PCBD2: variants seen among roughly 807,000 people sequenced by gnomAD.
PCBD2 encodes the protein pterin-4 alpha-carbinolamine dehydratase 2.
A neutral mutation model predicts 16.4 loss-of-function variants in PCBD2; 12 were observed. The observed-to-expected ratio is 0.73, with a 90% CI of 0.47 to 1.19. The LOEUF (loss-of-function observed/expected upper bound fraction) is 1.19. Among genes scored for constraint, PCBD2 ranks in the 50% most tolerant of loss-of-function variants. PCBD2 has a pLI of 0.00. For missense variants in PCBD2, 138 were observed against 156.8 expected, an observed-to-expected ratio of 0.88 and a Z score of 0.64; for synonymous variants, 58 against 61.8, an observed-to-expected ratio of 0.94 and a Z score of 0.29.
intron 2 of PCBD2, among the ~76,000 whole-genome samples, chr5:134,952,627 G>A (rs1377863539): frequency 2.0e-5 from 3 of 151,936 alleles, no homozygotes; most frequent in Non-Finnish European, 4.4e-5. Context: ...AACATAACAA[G>A]ACCCCATTTC....
At chr5:134,911,912 G>T (rs1016495881) in intron 2 of PCBD2, among the ~76,000 whole-genome samples, 2 of 152,190 alleles carry the variant, frequency 1.3e-5, no homozygotes, top group Admixed American at 6.5e-5. Flanking sequence ...ATAAGCTCTA[G>T]GTAGCATTTT....
chr5:134,915,177 T>C (rs1750813801), intron 2 of PCBD2, among the ~76,000 whole-genome samples: 1 of 151,610 alleles, frequency 6.6e-6, no homozygotes, highest in Non-Finnish European at 1.5e-5. Context: ...TAACCAGGCG[T>C]GGTGGCGTGC....
At chr5:134,935,205 G>A (rs1751144759) in intron 2 of PCBD2, among the ~76,000 whole-genome samples, 1 of 152,154 alleles carries the variant, frequency 6.6e-6, no homozygotes, top group Non-Finnish European at 1.5e-5. Context: ...AATCTGATTG[G>A]GTTGTTGTAA....
chr5:134,906,359 A>C (rs1256664012), intron 1 of PCBD2, among the ~76,000 whole-genome samples: 2 of 151,488 alleles, frequency 1.3e-5, no homozygotes, highest in Non-Finnish European at 2.9e-5. Context: ...GCCCGTCGCC[A>C]CGCCCGGCTA....
At position 134,927,766 on chromosome 5, in the gene PCBD2, G is replaced by A. The variant is rs533936203; in HGVS notation, c.216+17300G>A. On this transcript the variant is annotated intron_variant, in intron 2 of 3. Transcript: ENST00000254908. ...AGTATAGAGAGGTAGAGTTTTTTTC[G>A]TGATAGTGGTTCATTGGATAAGTGG... 2.2e-3 allele frequency: 874 copies of A among 397,462 alleles called. 8 individuals carry two copies. Among genetic ancestry groups the A allele is most frequent in the African/African-American group, 0.016 (765 of 48,448 alleles). 24.6% of individuals were successfully genotyped at this position (397,462 alleles called of 1,614,324 possible).
At chr5:134,944,746 C>T (rs1263394044) in intron 2 of PCBD2, among the ~76,000 whole-genome samples, 2 of 152,186 alleles carry the variant, frequency 1.3e-5, no homozygotes. Flanking sequence ...AAGACCGGCT[C>T]AGCCTCCCAC....
chr5:134,913,323 C>G (rs1580877630), intron 2 of PCBD2, among the ~76,000 whole-genome samples: 1 of 152,226 alleles, frequency 6.6e-6, no homozygotes, highest in East Asian at 1.9e-4. Flanking sequence ...GTAGAGTGGT[C>G]TGGAAAGTCC....
At chr5:134,947,070 A>C (rs1045682229) in intron 2 of PCBD2, among the ~76,000 whole-genome samples, 8 of 151,870 alleles carry the variant, frequency 5.3e-5, no homozygotes, top group African/African-American at 1.7e-4. Context: ...GTAGACTGTC[A>C]TTTTGCATGC....
chr5:134,916,906 A>G (rs1330687063), intron 2 of PCBD2, among the ~76,000 whole-genome samples: 1 of 152,124 alleles, frequency 6.6e-6, no homozygotes, highest in East Asian at 1.9e-4. Flanking sequence ...CAGTGGTGGG[A>G]CTCGAGGCAG....
intron 2 of PCBD2, among the ~76,000 whole-genome samples, chr5:134,922,115 G>T (rs1199878435): frequency 1.3e-5 from 2 of 152,164 alleles, no homozygotes; most frequent in African/African-American, 4.8e-5. Context: ...GCTCAGACAG[G>T]GTGAGTACCT....
chr5:134,914,183 A>T lies in PCBD2; in HGVS notation c.216+3717A>T, dbSNP rs138164705. 3.3e-5 allele frequency among the ~76,000 whole-genome samples: 5 copies of T among 152,230 alleles called. No individual in the cohort carries two copies. In the East Asian group the frequency reaches 9.7e-4, roughly 29 times the overall value. ...CGATGATATGTCCATTGTGGTTTAG[A>T]TGCCAATAGGCCGTTACATTCATCC... On this transcript the variant is annotated intron_variant, in intron 2 of 3. Transcript: ENST00000254908.
intron 2 of PCBD2, among the ~76,000 whole-genome samples, chr5:134,914,611 A>G (rs1750805465): frequency 6.6e-6 from 1 of 152,050 alleles, no homozygotes; most frequent in African/African-American, 2.4e-5. Context: ...TCGGCAGGGT[A>G]GGGAAGTACA....
intron 2 of PCBD2, chr5:134,923,563 A>G (rs1750934465): frequency 3.1e-6 from 1 of 322,934 alleles, no homozygotes; most frequent in Non-Finnish European, 5.6e-6. Flanking sequence ...CCTCAGATTC[A>G]TTGGACCAGA....
intron 1 of PCBD2, among the ~76,000 whole-genome samples, chr5:134,906,933 G>A (rs991781043): frequency 6.6e-6 from 1 of 152,226 alleles, no homozygotes; most frequent in African/African-American, 2.4e-5. Context: ...TGCTGTGAAT[G>A]TGCCCTCATG....
intron 2 of PCBD2, among the ~76,000 whole-genome samples, chr5:134,954,114 T>C (rs7731926): frequency 6.6e-6 from 1 of 152,072 alleles, no homozygotes; most frequent in Non-Finnish European, 1.5e-5. Context: ...CATGCCACCA[T>C]GCCCAGCTAA....
intron 2 of PCBD2, among the ~76,000 whole-genome samples, chr5:134,918,513 T>C (rs1750861523): frequency 1.3e-5 from 2 of 151,972 alleles, no homozygotes; most frequent in Admixed American, 6.6e-5. Context: ...AAAAATAAAA[T>C]AAAATAAAAA....
intron 2 of PCBD2, chr5:134,925,366 G>T: frequency 5.0e-6 from 2 of 398,462 alleles, no homozygotes. Context: ...AAGAGGTATG[G>T]TTTTGAGTAG....
chr5:134,947,767 A>G (rs906314860), intron 2 of PCBD2, among the ~76,000 whole-genome samples: 1 of 151,714 alleles, frequency 6.6e-6, no homozygotes, highest in Non-Finnish European at 1.5e-5. Flanking sequence ...GTTGAAGCCT[A>G]TGAAGTCGTT....
At chr5:134,947,517 A>G (rs989363980) in intron 2 of PCBD2, among the ~76,000 whole-genome samples, 9 of 149,836 alleles carry the variant, frequency 6.0e-5, no homozygotes, top group African/African-American at 2.2e-4. Context: ...CCTCCCGAGT[A>G]GGTGGCACTA....
Sources: gnomAD v4.1 joint callset for allele counts (sites outside exome capture counted in the v4.1 genomes callset) on GRCh38, gnomAD v4.1.1 for gene constraint, MANE v1.5 for transcripts, NCBI Gene and HGNC (gene_info 2026-07-23, HGNC 2026-07-21) for gene names.